DOCK4: variants seen among roughly 807,000 people sequenced by gnomAD.
DOCK4 encodes dedicator of cytokinesis protein 4.
A neutral mutation model predicts 268.1 loss-of-function variants in DOCK4; 97 were observed. The ratio of observed to expected loss-of-function variants is 0.36; its 90% CI spans 0.31 to 0.43. DOCK4 has a LOEUF of 0.43. Ranked by LOEUF, DOCK4 falls within the 20% of genes least tolerant of loss-of-function variation. DOCK4 has a pLI of 1.00. For synonymous variants in DOCK4, 954 were observed against 887.2 expected, an observed-to-expected ratio of 1.08 and a Z score of -1.34; for missense variants, 2,145 against 2,455.7, an observed-to-expected ratio of 0.87 and a Z score of 2.67.
chr7:111,873,756 AG>A (rs990770159), intron 17 of DOCK4, among the ~76,000 whole-genome samples: 2 of 152,218 alleles, frequency 1.3e-5, no homozygotes, highest in African/African-American at 4.8e-5. Flanking sequence ...CAGATTCAAG[AG>A]AAAAACCTCA....
intron 44 of DOCK4, among the ~76,000 whole-genome samples, chr7:111,744,372 G>A (rs2133458871): frequency 6.6e-6 from 1 of 152,266 alleles, no homozygotes; most frequent in East Asian, 1.9e-4. Context: ...GAGAAGGATG[G>A]TGCCCTCTCC....
rs146840080 is a variant in DOCK4 at position 112,003,884 on chromosome 7, A to G, written c.121+164T>C. On this transcript the variant is annotated intron_variant, in intron 2 of 52. Transcript: ENST00000428084. ...ATAATCAGCTTAAAAATAGGAAATG[A>G]TGCCTTTCCATTAGCCAAACACTGA... Among the ~76,000 whole-genome samples, 295 of 152,376 alleles carry G rather than the reference A, an allele frequency of 1.9e-3. 2 individuals carry two copies. In the Middle Eastern group the frequency reaches 0.02, roughly 11 times the overall value.
chr7:112,020,765 T>C (rs907560814), intron 1 of DOCK4, among the ~76,000 whole-genome samples: 2 of 151,278 alleles, frequency 1.3e-5, no homozygotes, highest in Admixed American at 6.6e-5. Context: ...AAGAATATAA[T>C]GAAAAGGTGT....
chr7:111,893,949 C>T (rs916734198), intron 16 of DOCK4, among the ~76,000 whole-genome samples: 5 of 151,826 alleles, frequency 3.3e-5, no homozygotes, highest in African/African-American at 7.3e-5. Flanking sequence ...GTGGGCTGGG[C>T]GCAGTGGCCC....
At chr7:112,201,734 T>A (rs1451838697) in intron 1 of DOCK4, among the ~76,000 whole-genome samples, 2 of 151,948 alleles carry the variant, frequency 1.3e-5, no homozygotes, top group African/African-American at 4.8e-5. Context: ...AATTGGTGAG[T>A]ATGCGATCAA....
chr7:111,906,944 A>G lies in DOCK4; in HGVS notation c.1193-5143T>C, dbSNP rs140059813. Among the ~76,000 whole-genome samples, 612 of 152,298 alleles carry G rather than the reference A, an allele frequency of 4.0e-3. 2 individuals carry two copies. The highest frequency in any genetic ancestry group is 0.014 in the African/African-American group (575 of 41,560). On this transcript the variant is annotated intron_variant, in intron 13 of 52. Coordinates refer to ENST00000428084, the MANE Select transcript of DOCK4 (RefSeq NM_001363540.2). The stretch of plus-strand genomic sequence containing the variant: ...TGACCTCCAGAACTGTAACACGGTA[A>G]ATGTATGTTGTTTGAAGCCACCTTG...
At chr7:111,962,736 A>C (rs1463242963) in intron 8 of DOCK4, among the ~76,000 whole-genome samples, 1 of 152,240 alleles carries the variant, frequency 6.6e-6, no homozygotes, top group Non-Finnish European at 1.5e-5. Flanking sequence ...AATTGTAGGC[A>C]ATACAAAATT....
At chr7:111,895,550 T>C (rs1290268307) in intron 16 of DOCK4, 62 bp downstream of exon 16, 41 of 1,340,894 alleles carry the variant, frequency 3.1e-5, no homozygotes, top group Non-Finnish European at 4.2e-5. Context: ...AATGATAAGA[T>C]AGTGAGGTGT....
At chr7:111,883,684 A>C (rs1807607135) in intron 16 of DOCK4, among the ~76,000 whole-genome samples, 1 of 152,092 alleles carries the variant, frequency 6.6e-6, no homozygotes, top group Non-Finnish European at 1.5e-5. Flanking sequence ...ATCTATGAAT[A>C]GAAGACTTGG....
At position 111,996,060 on chromosome 7, in the gene DOCK4, C is replaced by G. The variant is rs1043344851; in HGVS notation, c.219-1829G>C. ...ATTATAAAATGATCCTATACAAGGT[C>G]AAGGAGGAAACACTGAATTTCCAGG... On this transcript the variant is annotated intron_variant, in intron 4 of 52. Transcript: ENST00000428084. Among the ~76,000 whole-genome samples the G allele has an allele frequency of 2.0e-5, 3 of 152,204 alleles. No homozygotes were observed. In the East Asian group the frequency reaches 5.8e-4, roughly 29 times the overall value.
intron 1 of DOCK4, among the ~76,000 whole-genome samples, chr7:112,025,863 C>G (rs1802737628): frequency 6.6e-6 from 1 of 152,172 alleles, no homozygotes; most frequent in Admixed American, 6.5e-5. Context: ...TTAGACTCAA[C>G]TGAGAGAGTG....
At position 111,728,286 on chromosome 7, in the gene DOCK4, G is replaced by C; in HGVS notation, c.5916C>G (p.Val1972=). 1 of 1,495,968 alleles carries C rather than the reference G, an allele frequency of 6.7e-7. No individual in the cohort carries two copies. The highest frequency in any genetic ancestry group is 8.9e-7 in the Non-Finnish European group (1 of 1,122,856). 92.7% of individuals were successfully genotyped at this position (1,495,968 alleles called of 1,614,324 possible). The change falls in exon 53 of 53, where the codon GTC becomes GTG. Residue 1972 remains valine (V), a synonymous_variant. Coordinates refer to ENST00000428084, the MANE Select transcript of DOCK4 (RefSeq NM_001363540.2). ...GPRPRPLPRK[V]SQL is the part of the protein sequence containing the mutation. ...ATAGAAAAGTGACTTATAACTGAGA[G>C]ACCTTGCGGGGCAGGGGCCTGGGCC...
chr7:111,798,888 T>G (rs1266506410), intron 30 of DOCK4, among the ~76,000 whole-genome samples: 3 of 152,232 alleles, frequency 2.0e-5, no homozygotes, highest in African/African-American at 7.2e-5. Context: ...TTACCACTAA[T>G]GACTCTCCTA....
intron 1 of DOCK4, among the ~76,000 whole-genome samples, chr7:112,049,697 A>G (rs1805175890): frequency 6.6e-6 from 1 of 152,192 alleles, no homozygotes; most frequent in Non-Finnish European, 1.5e-5. Context: ...AGCCAAAAGA[A>G]AGCTGGAGTA....
chr7:111,902,846 T>G (rs946102764), intron 13 of DOCK4, among the ~76,000 whole-genome samples: 2 of 152,098 alleles, frequency 1.3e-5, no homozygotes, highest in African/African-American at 4.8e-5. Flanking sequence ...CTTGGCTCAC[T>G]GCAAGCTCCG....
intron 12 of DOCK4, among the ~76,000 whole-genome samples, chr7:111,931,408 T>C (rs1794187426): frequency 6.6e-6 from 1 of 152,206 alleles, no homozygotes. Context: ...AGGGTTTCAC[T>C]CAGGATTCCA....
chr7:112,135,332 T>C (rs1054075727), intron 1 of DOCK4, among the ~76,000 whole-genome samples: 1 of 152,184 alleles, frequency 6.6e-6, no homozygotes, highest in Non-Finnish European at 1.5e-5. Flanking sequence ...CTTATGTTTT[T>C]GTCAAAACTA....
At chr7:111,827,395 A>C (rs1254343284) in intron 26 of DOCK4, among the ~76,000 whole-genome samples, 3 of 152,240 alleles carry the variant, frequency 2.0e-5, no homozygotes, top group Non-Finnish European at 4.4e-5. Context: ...ACAAAGATTT[A>C]ATGTTCCAGG....
intron 42 of DOCK4, among the ~76,000 whole-genome samples, chr7:111,751,930 T>G (rs1200051519): frequency 6.6e-6 from 1 of 152,114 alleles, no homozygotes; most frequent in African/African-American, 2.4e-5. Flanking sequence ...GACTAATTTT[T>G]TAAATTTTCT....
Sources: allele counts gnomAD v4.1 joint callset (sites outside exome capture counted in the v4.1 genomes callset), GRCh38; gene constraint gnomAD v4.1.1; transcripts MANE v1.5; gene names NCBI Gene and HGNC (gene_info 2026-07-23, HGNC 2026-07-21).